Variants in LRRIQ3 observed in about 807,000 individuals in gnomAD.
LRRIQ3 encodes leucine rich repeats and IQ motif containing 3.
Under a neutral mutation model 59.3 loss-of-function variants are expected in LRRIQ3, and 75 were observed. That is an observed-to-expected ratio of 1.26 (90% CI 1.05 to 1.53). LRRIQ3 has a LOEUF of 1.53. Ranked by LOEUF, LRRIQ3 falls within the 40% of genes most tolerant of loss-of-function variation. The pLI, the probability that LRRIQ3 is intolerant of heterozygous loss-of-function variation, is 0.00. For missense variants in LRRIQ3, 831 were observed against 710.0 expected (o/e 1.17, Z -1.94); for synonymous variants, 250 against 231.3 (o/e 1.08, Z -0.73).
intron 6 of LRRIQ3, among the ~76,000 whole-genome samples, chr1:74,055,792 A>C (rs569003187): frequency 2.0e-5 from 3 of 152,300 alleles, no homozygotes; most frequent in African/African-American, 7.2e-5. Context: ...TGTTTTTCAA[A>C]AGTGGCTGTA....
intron 5 of LRRIQ3, among the ~76,000 whole-genome samples, chr1:74,098,060 A>C (rs1289411749): frequency 6.6e-6 from 1 of 152,188 alleles, no homozygotes; most frequent in Non-Finnish European, 1.5e-5. Flanking sequence ...TAACAATATT[A>C]ACCTTAAATG....
chr1:74,113,728 A>C (rs1031460846), intron 4 of LRRIQ3, among the ~76,000 whole-genome samples: 2 of 152,102 alleles, frequency 1.3e-5, no homozygotes, highest in Admixed American at 6.6e-5. Flanking sequence ...TTTCCAGATC[A>C]ATACAAGCTA....
chr1:74,163,427 A>G lies in LRRIQ3; in HGVS notation c.574-7561T>C, dbSNP rs368537041. Among the ~76,000 whole-genome samples the G allele has an allele frequency of 1.3e-4, 20 of 151,726 alleles. No homozygotes were observed. The South Asian group carries it at 4.1e-3, about 31-fold the overall frequency. ...GTTTTATTAACTGTAAACCCAGGGCATAGAACAAAACTGTAACATAGTACA... is the reference window on the plus strand; with the variant it reads ...GTTTTATTAACTGTAAACCCAGGGCGTAGAACAAAACTGTAACATAGTACA... On this transcript the variant is annotated intron_variant, in intron 3 of 7. Transcript: ENST00000354431.
intron 3 of LRRIQ3, among the ~76,000 whole-genome samples, chr1:74,172,835 T>A (rs1422270050): frequency 6.6e-6 from 1 of 152,202 alleles, no homozygotes; most frequent in African/African-American, 2.4e-5. Context: ...TTGTCTTTTG[T>A]AAGTTTTTTA....
At chr1:74,080,129 T>C (rs769128151) in intron 5 of LRRIQ3, among the ~76,000 whole-genome samples, 4 of 151,626 alleles carry the variant, frequency 2.6e-5, no homozygotes, top group Non-Finnish European at 5.9e-5. Context: ...TTTAGTCAGA[T>C]ACATCTATCT....
Position 74,121,303 on chromosome 1 carries a change from T to C in LRRIQ3, c.708-11750A>G, listed in dbSNP as rs72962106. 7.1e-3 allele frequency among the ~76,000 whole-genome samples: 1,084 copies of C among 152,230 alleles called. 18 individuals carry two copies. Among genetic ancestry groups the C allele is most frequent in the African/African-American group, 0.024 (1,004 of 41,562 alleles). On this transcript the variant is annotated intron_variant, in intron 4 of 7. Coordinates refer to ENST00000354431, the MANE Select transcript of LRRIQ3 (RefSeq NM_001105659.2). ...AGATAAGTGCCATCCAACTTTTCCA[T>C]GTCATGGCAAACAAAGAAAATGATA... is the stretch of plus-strand genomic sequence containing the variant.
chr1:74,047,048 C>A (rs1207736259), intron 6 of LRRIQ3, among the ~76,000 whole-genome samples: 1 of 152,078 alleles, frequency 6.6e-6, no homozygotes, highest in Non-Finnish European at 1.5e-5. Flanking sequence ...GTGGCGATTC[C>A]TCCAGGATAT....
intron 6 of LRRIQ3, among the ~76,000 whole-genome samples, chr1:74,065,688 GC>G (rs1268939608): frequency 2.6e-5 from 4 of 151,922 alleles, no homozygotes; most frequent in Non-Finnish European, 4.4e-5. Context: ...CCTGGGTTTA[GC>G]TCTTTCAGTC....
At chr1:74,181,593 T>G (rs1345343746) in intron 3 of LRRIQ3, 1 of 151,826 alleles carries the variant, frequency 6.6e-6, no homozygotes, top group Non-Finnish European at 1.5e-5. Context: ...CTAAGTGAAA[T>G]TCTTTATTTA....
chr1:74,170,781 A>G lies in LRRIQ3; in HGVS notation c.573+11757T>C, dbSNP rs151146761. ...CTTTGGGTGGGATAGACATTTTAAC[A>G]ATACTAATTTTTTAGTCCATGAACC... On this transcript the variant is annotated intron_variant, in intron 3 of 7. Coordinates refer to ENST00000354431, the MANE Select transcript of LRRIQ3 (RefSeq NM_001105659.2). Among the ~76,000 whole-genome samples, 5 of 152,258 alleles carry G rather than the reference A, an allele frequency of 3.3e-5. No homozygotes were observed. The East Asian group carries it at 9.6e-4, about 29-fold the overall frequency.
intron 3 of LRRIQ3, among the ~76,000 whole-genome samples, chr1:74,175,465 A>G (rs190304012): frequency 8.5e-4 from 129 of 152,240 alleles, no homozygotes; most frequent in African/African-American, 3.0e-3. Context: ...GAAAATGAAC[A>G]TTCATCTCAG....
chr1:74,196,034 A>G (rs1651096193), intron 1 of LRRIQ3, among the ~76,000 whole-genome samples: 1 of 152,030 alleles, frequency 6.6e-6, no homozygotes, highest in African/African-American at 2.4e-5. Context: ...ATATTAATGA[A>G]AATTTGAGAA....
At chr1:74,183,381 A>AT (rs1455605235) in intron 2 of LRRIQ3, 55 bp downstream of exon 2, 3 of 1,451,054 alleles carry the variant, frequency 2.1e-6, no homozygotes, top group Non-Finnish European at 2.8e-6. Context: ...ATAAGTACTT[A>AT]TTATAAGACT....
intron 3 of LRRIQ3, among the ~76,000 whole-genome samples, chr1:74,158,544 A>C (rs1648478550): frequency 1.3e-5 from 2 of 152,124 alleles, no homozygotes; most frequent in African/African-American, 4.8e-5. Context: ...TTCCCCCAAG[A>C]AGACTTTCTT....
At chr1:74,125,119 T>C (rs528182232) in intron 4 of LRRIQ3, among the ~76,000 whole-genome samples, 119 of 152,072 alleles carry the variant, frequency 7.8e-4, no homozygotes, top group Non-Finnish European at 1.6e-3. Context: ...TTTCTAGCTA[T>C]TGTTAATGGG....
intron 4 of LRRIQ3, among the ~76,000 whole-genome samples, chr1:74,145,891 A>G (rs1218356547): frequency 6.6e-6 from 1 of 152,164 alleles, no homozygotes; most frequent in African/African-American, 2.4e-5. Context: ...TAAAATTTCC[A>G]GCAAAGTATA....
chr1:74,105,045 T>C (rs1646589815), intron 5 of LRRIQ3, among the ~76,000 whole-genome samples: 1 of 152,058 alleles, frequency 6.6e-6, no homozygotes, highest in Non-Finnish European at 1.5e-5. Flanking sequence ...TATTTCTATA[T>C]TTATGTTATC....
intron 6 of LRRIQ3, among the ~76,000 whole-genome samples, chr1:74,051,251 A>T (rs1186017644): frequency 6.6e-6 from 1 of 152,146 alleles, no homozygotes; most frequent in Non-Finnish European, 1.5e-5. Flanking sequence ...TAAAACATTA[A>T]AGCAGGAAAA....
rs1446987350 is a variant in LRRIQ3 at position 74,183,437 on chromosome 1, T to A, written c.248A>T (p.Gln83Leu). Residue 83 changes from glutamine (Q) to leucine (L), a missense_variant and splice_region_variant, in exon 2 of 8, where the codon CAG becomes CTG. Coordinates refer to ENST00000354431, the MANE Select transcript of LRRIQ3 (RefSeq NM_001105659.2). ...KLIKLDLHGN[Q>L]IKSLPNTKFW... ...ATATCTGAAATGGCTATTGCTTACC[T>A]GATTTCCATGGAGATCAAGTTTGAT... 1.3e-6 allele frequency: 2 copies of A among 1,567,134 alleles called. No individual in the cohort carries two copies. Among genetic ancestry groups the A allele is most frequent in the Non-Finnish European group, 1.7e-6 (2 of 1,157,612 alleles).
Sources: gnomAD v4.1 joint callset for allele counts (sites outside exome capture counted in the v4.1 genomes callset) on GRCh38, gnomAD v4.1.1 for gene constraint, MANE v1.5 for transcripts, NCBI Gene and HGNC (gene_info 2026-07-23, HGNC 2026-07-21) for gene names.